The following STRN3 variants were observed in gnomAD, a reference collection of about 807,000 sequenced individuals.
STRN3 encodes striatin-3.
STRN3 carries 29 observed loss-of-function variants against 95.6 expected under a neutral mutation model. The ratio of observed to expected loss-of-function variants is 0.30; its 90% confidence interval spans 0.23 to 0.41. The LOEUF is 0.41. STRN3 is among the 10% of genes least tolerant of loss of function. The pLI, the probability that STRN3 is intolerant of heterozygous loss-of-function variation, is 1.00. For missense variants in STRN3, 890 were observed against 972.1 expected, an observed-to-expected ratio of 0.92 and a Z score of 1.12; for synonymous variants, 331 against 357.6, an observed-to-expected ratio of 0.93 and a Z score of 0.84.
chr14:30,956,660 G>T (rs975768892), intron 1 of STRN3, among the ~76,000 whole-genome samples: 3 of 152,102 alleles, frequency 2.0e-5, no homozygotes, highest in Non-Finnish European at 4.4e-5. Context: ...AAATTAGCTA[G>T]TTTATAATCC....
intron 1 of STRN3, among the ~76,000 whole-genome samples, chr14:31,003,628 G>A (rs1364324010): frequency 6.6e-6 from 1 of 152,110 alleles, no homozygotes; most frequent in Non-Finnish European, 1.5e-5. Flanking sequence ...TCAGCCATGA[G>A]TGGAAGCAGA....
chr14:30,956,379 G>C, intron 1 of STRN3, 137 bp from the exon 2 acceptor site: 1 of 785,678 alleles, frequency 1.3e-6, no homozygotes, highest in South Asian at 1.7e-5. Flanking sequence ...AACGGGCCAG[G>C]CAATGGCTCA....
intron 1 of STRN3, among the ~76,000 whole-genome samples, chr14:30,960,896 A>T (rs1280169891): frequency 6.6e-6 from 1 of 150,830 alleles, no homozygotes; most frequent in Non-Finnish European, 1.5e-5. Flanking sequence ...AAAAATAGAA[A>T]GAAAAGAAAA....
At chr14:30,959,151 C>G (rs572826869) in intron 1 of STRN3, among the ~76,000 whole-genome samples, 1 of 152,316 alleles carries the variant, frequency 6.6e-6, no homozygotes, top group African/African-American at 2.4e-5. Context: ...CACAGCAACA[C>G]CTCGTCTTCA....
At chr14:30,943,300 C>T (rs533858166) in intron 5 of STRN3, among the ~76,000 whole-genome samples, 2 of 152,110 alleles carry the variant, frequency 1.3e-5, no homozygotes, top group East Asian at 1.9e-4. Context: ...CAACTATTTC[C>T]GGCCAGGCGC....
chr14:30,929,966 A>AAAAAAAAAAAAACAAAC (rs1878424711), intron 7 of STRN3, among the ~76,000 whole-genome samples: 1 of 108,282 alleles, frequency 9.2e-6, no homozygotes, highest in Non-Finnish European at 1.8e-5. Context: ...AAAAAAAAAA[A>AAAAAAAAAAAAACAAAC]AAAAAAAAAA....
chr14:31,024,080 T>TA (rs781229146), intron 1 of STRN3, among the ~76,000 whole-genome samples: 1 of 152,198 alleles, frequency 6.6e-6, no homozygotes, highest in Non-Finnish European at 1.5e-5. Flanking sequence ...GAGCAGGCAA[T>TA]AAAGGCTTCT....
At chr14:30,902,681 C>T (rs774627428) in intron 15 of STRN3, 38 bp from the exon 16 acceptor site, 40 of 1,342,202 alleles carry the variant, frequency 3.0e-5, no homozygotes, top group Non-Finnish European at 3.7e-5. Context: ...AAAATTCAAA[C>T]CTTTAATAAG....
chr14:30,979,113 C>A (rs1231149816), intron 1 of STRN3, among the ~76,000 whole-genome samples: 1 of 146,992 alleles, frequency 6.8e-6, no homozygotes, highest in Non-Finnish European at 1.5e-5. Flanking sequence ...AAGTCTGTTA[C>A]TTTCCTATGC....
At chr14:30,980,973 G>C (rs1881366547) in intron 1 of STRN3, among the ~76,000 whole-genome samples, 1 of 151,974 alleles carries the variant, frequency 6.6e-6, no homozygotes, top group Non-Finnish European at 1.5e-5. Flanking sequence ...ATTCAGGTTA[G>C]AGCAACTAAT....
chr14:30,929,967 A>AAAAAAAAAC lies in STRN3; in HGVS notation c.989-657_989-656insGTTTTTTTT, dbSNP rs1555317342. On this transcript the variant is annotated intron_variant, in intron 7 of 17. Transcript: ENST00000357479. Reference sequence around the variant, plus strand: ...AACTAAGATTAGCAAAAAAAAAAAAAAAAAAAAAAAAACTCAAATTCCACT... The same window carrying AAAAAAAAAC: ...AACTAAGATTAGCAAAAAAAAAAAAAAAAAAAAACAAAAAAAAAAAACTCAAATTCCACT... Among the ~76,000 whole-genome samples the AAAAAAAAAC allele has an allele frequency of 2.0e-3, 182 of 91,202 alleles. 5 individuals are homozygous for AAAAAAAAAC. The highest frequency in any genetic ancestry group is 6.3e-3 in the African/African-American group (163 of 26,050). 59.8% of individuals were successfully genotyped at this position (91,202 alleles called of 152,430 possible).
chr14:30,996,294 T>A (rs1882195236), intron 1 of STRN3, among the ~76,000 whole-genome samples: 1 of 152,148 alleles, frequency 6.6e-6, no homozygotes, highest in Admixed American at 6.6e-5. Flanking sequence ...TCACTGGTGA[T>A]GACTAGAAAG....
intron 5 of STRN3, among the ~76,000 whole-genome samples, chr14:30,939,761 A>G (rs1329114774): frequency 1.3e-5 from 2 of 152,122 alleles, no homozygotes; most frequent in Admixed American, 1.3e-4. Context: ...ATTTTTAAAG[A>G]AGCTTCCCTT....
At chr14:30,955,378 C>T (rs1340144441) in intron 3 of STRN3, among the ~76,000 whole-genome samples, 1 of 152,098 alleles carries the variant, frequency 6.6e-6, no homozygotes, top group Non-Finnish European at 1.5e-5. Flanking sequence ...CAAATTACTA[C>T]CATAAATGCA....
At chr14:31,003,532 G>A (rs1394913898) in intron 1 of STRN3, among the ~76,000 whole-genome samples, 1 of 151,970 alleles carries the variant, frequency 6.6e-6, no homozygotes, top group Non-Finnish European at 1.5e-5. Context: ...TGGCTAGCAA[G>A]TGAGTTCTCA....
At chr14:30,898,161 GA>G (rs2138937464) in intron 16 of STRN3, among the ~76,000 whole-genome samples, 1 of 152,162 alleles carries the variant, frequency 6.6e-6, no homozygotes, top group East Asian at 1.9e-4. Context: ...ATTTTTTGTA[GA>G]GACAGAATCC....
chr14:30,936,911 T>C (rs181308069), intron 5 of STRN3, among the ~76,000 whole-genome samples: 1 of 152,348 alleles, frequency 6.6e-6, no homozygotes, highest in Non-Finnish European at 1.5e-5. Context: ...ACACATATTA[T>C]TAGTTCTCAA....
At chr14:30,906,820 A>T (rs1267877054) in intron 14 of STRN3, 57 bp downstream of exon 14, 3 of 1,512,916 alleles carry the variant, frequency 2.0e-6, no homozygotes, top group Admixed American at 3.8e-5. Context: ...TTTGTCCTTT[A>T]TATATTCCAA....
At chr14:31,007,921 G>A (rs1882793326) in intron 1 of STRN3, among the ~76,000 whole-genome samples, 1 of 152,146 alleles carries the variant, frequency 6.6e-6, no homozygotes, top group Non-Finnish European at 1.5e-5. Flanking sequence ...GGCCTGGCGT[G>A]GTGGCTCACA....
Sources: allele counts gnomAD v4.1 joint callset (sites outside exome capture counted in the v4.1 genomes callset), GRCh38; gene constraint gnomAD v4.1.1; transcripts MANE v1.5; gene names NCBI Gene and HGNC (gene_info 2026-07-23, HGNC 2026-07-21).